The following ADARB2 variants were observed in gnomAD, a reference collection of about 807,000 sequenced individuals.
ADARB2 encodes the protein adenosine deaminase RNA specific B2 (inactive).
In ADARB2, 25 loss-of-function variants were observed where a neutral mutation model predicts 62.2. The observed-to-expected ratio is 0.40, with a 90% CI of 0.29 to 0.56. The LOEUF is 0.56. Ranked by LOEUF, ADARB2 falls within the 20% of genes least tolerant of loss-of-function variation. ADARB2 has a pLI of 0.43. For synonymous variants in ADARB2, 572 were observed against 500.8 expected (o/e 1.14, Z -1.90); for missense variants, 1,071 against 1,077.4 (o/e 0.99, Z 0.08).
At chr10:1,440,081 C>T (rs893700661) in intron 1 of ADARB2, among the ~76,000 whole-genome samples, 2 of 149,670 alleles carry the variant, frequency 1.3e-5, no homozygotes, top group African/African-American at 5.0e-5. Flanking sequence ...CTATGGGGCT[C>T]CTGAGTCTCC....
intron 3 of ADARB2, among the ~76,000 whole-genome samples, chr10:1,342,292 G>A (rs1001255573): frequency 3.9e-5 from 6 of 152,146 alleles, no homozygotes; most frequent in Admixed American, 3.3e-4. Context: ...AGAAGGCTGA[G>A]GCAAGTCCCT....
At chr10:1,329,751 C>T (rs1399102174) in intron 3 of ADARB2, among the ~76,000 whole-genome samples, 1 of 152,090 alleles carries the variant, frequency 6.6e-6, no homozygotes, top group African/African-American at 2.4e-5. Flanking sequence ...TCTGGAGCCG[C>T]GAACCACCTG....
intron 1 of ADARB2, among the ~76,000 whole-genome samples, chr10:1,525,770 T>G (rs1192328458): frequency 1.3e-5 from 2 of 152,152 alleles, no homozygotes; most frequent in Non-Finnish European, 2.9e-5. Context: ...TGTATGCTCA[T>G]GTGCTTGTGT....
intron 1 of ADARB2, among the ~76,000 whole-genome samples, chr10:1,647,875 G>A (rs778010896): frequency 1.4e-4 from 21 of 151,854 alleles, no homozygotes; most frequent in Admixed American, 3.9e-4. Flanking sequence ...TGTATGTGTG[G>A]TGTGTCTATA....
At chr10:1,716,070 T>C (rs751097630) in intron 1 of ADARB2, among the ~76,000 whole-genome samples, 14 of 152,114 alleles carry the variant, frequency 9.2e-5, no homozygotes, top group South Asian at 2.1e-4. Context: ...ACACCTCCTG[T>C]GCACACTCCT....
intron 1 of ADARB2, among the ~76,000 whole-genome samples, chr10:1,476,413 C>T (rs1260922799): frequency 2.0e-5 from 3 of 152,198 alleles, no homozygotes; most frequent in Non-Finnish European, 4.4e-5. Flanking sequence ...CAGGTGGTTG[C>T]TTTCAGTGTC....
Position 1,363,201 on chromosome 10 carries a change from G to A in ADARB2, c.904C>T (p.Arg302Cys). The change falls in exon 3 of 10, where the codon CGC becomes TGC. Residue 302 changes from arginine (R) to cysteine (C), a missense_variant. Arg to Cys is a radical substitution (Grantham distance 180). Transcript: ENST00000381312. ...ACGGCCATCACGAAGCTCCGCGCGC[G>A]CCGCTCGGCCGGTTCTGCCAGACAC... is the stretch of plus-strand genomic sequence containing the variant. ...YVCLAEPAER[R>C]ARSFVMAVSV... 1 of 1,479,508 alleles carries A rather than the reference G, an allele frequency of 6.8e-7. No individual in the cohort carries two copies. The highest frequency in any genetic ancestry group is 1.5e-5 in the African/African-American group (1 of 68,678). The allele number at this position is 1,479,508 out of a possible 1,614,324, so 91.6% of individuals were successfully genotyped here.
At chr10:1,593,808 A>T (rs895849477) in intron 1 of ADARB2, among the ~76,000 whole-genome samples, 1 of 152,084 alleles carries the variant, frequency 6.6e-6, no homozygotes, top group Non-Finnish European at 1.5e-5. Flanking sequence ...TTTTCCTAAT[A>T]CAGTGCTTGG....
chr10:1,206,565 G>A (rs1207918730), intron 7 of ADARB2, among the ~76,000 whole-genome samples: 1 of 152,194 alleles, frequency 6.6e-6, no homozygotes, highest in African/African-American at 2.4e-5. Flanking sequence ...AGAGAACTGC[G>A]GTGGCCCCTT....
chr10:1,474,590 C>G (rs1218854124), intron 1 of ADARB2, among the ~76,000 whole-genome samples: 2 of 152,318 alleles, frequency 1.3e-5, no homozygotes, highest in East Asian at 3.9e-4. Context: ...ATGACCCAGG[C>G]CACCTCCGTG....
intron 1 of ADARB2, among the ~76,000 whole-genome samples, chr10:1,625,830 C>G (rs530770120): frequency 6.6e-6 from 1 of 152,276 alleles, no homozygotes; most frequent in African/African-American, 2.4e-5. Context: ...TCCTCATCAC[C>G]CAGCACAGCC....
chr10:1,520,835 T>C (rs1440967937), intron 1 of ADARB2, among the ~76,000 whole-genome samples: 1 of 152,240 alleles, frequency 6.6e-6, no homozygotes, highest in Non-Finnish European at 1.5e-5. Flanking sequence ...CACATGTTGA[T>C]ATCAAATGAT....
intron 6 of ADARB2, among the ~76,000 whole-genome samples, chr10:1,233,229 G>C (rs4880492): frequency 0.36 from 54,080 of 152,066 alleles, 10,100 homozygotes; most frequent in East Asian, 0.56. Context: ...GGGCGGGTTT[G>C]CAGTGGAACT....
intron 1 of ADARB2, among the ~76,000 whole-genome samples, chr10:1,512,365 T>C (rs1327076290): frequency 6.6e-6 from 1 of 152,106 alleles, no homozygotes; most frequent in Non-Finnish European, 1.5e-5. Flanking sequence ...CTGTCTACAC[T>C]GGATACCAAG....
chr10:1,291,696 G>C (rs1831467680), intron 3 of ADARB2: 1 of 152,236 alleles, frequency 6.6e-6, no homozygotes, highest in Non-Finnish European at 1.5e-5. Flanking sequence ...ACCTCGGCCG[G>C]GTGAAGTTTT....
chr10:1,351,356 A>G lies in ADARB2; in HGVS notation c.1077+11672T>C, dbSNP rs552433005. Reference sequence around the variant, plus strand: ...CCACTCCACATTACCTTCTTTTCAAAGGCCTGTTTCCCTTGCCTCCATAAC... The same window carrying G: ...CCACTCCACATTACCTTCTTTTCAAGGGCCTGTTTCCCTTGCCTCCATAAC... On this transcript the variant is annotated intron_variant, in intron 3 of 9. Transcript: ENST00000381312. Among the ~76,000 whole-genome samples the G allele has an allele frequency of 3.0e-3, 463 of 152,110 alleles. 1 individual carries two copies. The highest frequency in any genetic ancestry group is 0.013 in the East Asian group (69 of 5,182).
At chr10:1,618,233 A>C (rs1833666232) in intron 1 of ADARB2, among the ~76,000 whole-genome samples, 1 of 152,206 alleles carries the variant, frequency 6.6e-6, no homozygotes, top group South Asian at 2.1e-4. Flanking sequence ...TTCTTATTTA[A>C]GATCCTATAA....
At chr10:1,726,331 T>C (rs923579018) in intron 1 of ADARB2, among the ~76,000 whole-genome samples, 1 of 151,928 alleles carries the variant, frequency 6.6e-6, no homozygotes, top group East Asian at 2.0e-4. Context: ...AGTTGGATGA[T>C]GGGTGATTGA....
intron 4 of ADARB2, 101 bp from the exon 5 acceptor site, chr10:1,242,400 G>GGTATCATCCTGATACC: frequency 7.3e-7 from 1 of 1,374,934 alleles, no homozygotes; most frequent in Middle Eastern, 2.6e-4. Flanking sequence ...CCTGGGTTAG[G>GGTATCATCCTGATACC]AAACCTTGGA....
Sources: allele counts gnomAD v4.1 joint callset (sites outside exome capture counted in the v4.1 genomes callset), GRCh38; gene constraint gnomAD v4.1.1; transcripts MANE v1.5; gene names NCBI Gene and HGNC (gene_info 2026-07-23, HGNC 2026-07-21).